The following GREB1L variants were observed in gnomAD, a reference collection of about 807,000 sequenced individuals.
GREB1L encodes the protein GREB1-like protein.
In GREB1L, 17 loss-of-function variants were observed where a neutral mutation model predicts 200.8. The observed-to-expected ratio is 0.08, with a 90% CI of 0.06 to 0.13. The LOEUF (loss-of-function observed/expected upper bound fraction) is 0.13. Among genes scored for constraint, GREB1L ranks in the 10% least tolerant of loss-of-function variants. The pLI, the probability that GREB1L is intolerant of heterozygous loss-of-function variation, is 1.00. For missense variants in GREB1L, 1,657 were observed against 2,367.7 expected, an observed-to-expected ratio of 0.70 and a Z score of 6.23; for synonymous variants, 789 against 893.0, an observed-to-expected ratio of 0.88 and a Z score of 2.08.
intron 7 of GREB1L, among the ~76,000 whole-genome samples, chr18:21,422,991 C>T (rs1369218431): frequency 2.0e-5 from 3 of 151,970 alleles, no homozygotes; most frequent in East Asian, 1.9e-4. Flanking sequence ...AGTATAGTGG[C>T]GCGATCTCGG....
At chr18:21,501,298 G>T (rs1432485473) in intron 23 of GREB1L, among the ~76,000 whole-genome samples, 1 of 151,292 alleles carries the variant, frequency 6.6e-6, no homozygotes, top group Admixed American at 6.6e-5. Flanking sequence ...GAATGTGCAG[G>T]TTTGTTACAC....
intron 1 of GREB1L, among the ~76,000 whole-genome samples, chr18:21,299,060 G>A (rs1002044555): frequency 5.9e-5 from 9 of 151,832 alleles, no homozygotes; most frequent in Non-Finnish European, 1.0e-4. Context: ...GGCAGATCAC[G>A]TGAGGTCAGG....
At chr18:21,387,231 A>G (rs1300717019) in intron 4 of GREB1L, among the ~76,000 whole-genome samples, 1 of 152,162 alleles carries the variant, frequency 6.6e-6, no homozygotes, top group Non-Finnish European at 1.5e-5. Context: ...GGTTCTGTAA[A>G]GTTTTCCCTG....
chr18:21,251,408 A>G (rs1242959038), intron 1 of GREB1L, among the ~76,000 whole-genome samples: 1 of 152,182 alleles, frequency 6.6e-6, no homozygotes, highest in Non-Finnish European at 1.5e-5. Context: ...GCTTGTCTTT[A>G]TTCTTTTAAA....
At chr18:21,302,567 A>G (rs2038634592) in intron 1 of GREB1L, among the ~76,000 whole-genome samples, 1 of 152,218 alleles carries the variant, frequency 6.6e-6, no homozygotes, top group South Asian at 2.1e-4. Flanking sequence ...GGACTTCCTT[A>G]CTGTACTGCC....
intron 11 of GREB1L, among the ~76,000 whole-genome samples, chr18:21,448,036 C>A (rs989678277): frequency 6.6e-6 from 1 of 151,960 alleles, no homozygotes; most frequent in Non-Finnish European, 1.5e-5. Context: ...GTTGGGCATG[C>A]CTGTAATCCC....
chr18:21,259,235 GTCTC>G (rs1038829496), intron 1 of GREB1L, among the ~76,000 whole-genome samples: 2 of 152,126 alleles, frequency 1.3e-5, no homozygotes, highest in African/African-American at 4.8e-5. Context: ...TTATCAAACT[GTCTC>G]TCAGTTTTCA....
chr18:21,414,235 C>G (rs1405286772), intron 7 of GREB1L, among the ~76,000 whole-genome samples: 1 of 151,948 alleles, frequency 6.6e-6, no homozygotes, highest in Non-Finnish European at 1.5e-5. Context: ...CGTGCAGCCA[C>G]CTAGGAAATA....
intron 1 of GREB1L, among the ~76,000 whole-genome samples, chr18:21,283,753 A>G (rs2038309495): frequency 1.3e-5 from 2 of 152,168 alleles, no homozygotes; most frequent in African/African-American, 4.8e-5. Flanking sequence ...TGAAATGACT[A>G]GCTATTTGCA....
At chr18:21,284,654 G>A (rs1021041275) in intron 1 of GREB1L, among the ~76,000 whole-genome samples, 3 of 152,128 alleles carry the variant, frequency 2.0e-5, no homozygotes, top group Non-Finnish European at 2.9e-5. Flanking sequence ...ACAAATTTTT[G>A]TATGGATGTA....
chr18:21,302,756 C>T, intron 1 of GREB1L, among the ~76,000 whole-genome samples: 1 of 152,126 alleles, frequency 6.6e-6, no homozygotes, highest in South Asian at 2.1e-4. Context: ...GAGTCTTGCT[C>T]TGTCGCCCAG....
chr18:21,422,379 A>G (rs1202011096), intron 7 of GREB1L, among the ~76,000 whole-genome samples: 8 of 152,228 alleles, frequency 5.3e-5, no homozygotes. Flanking sequence ...ATATTCATAT[A>G]TATGCAGTAA....
chr18:21,336,815 T>G (rs1476712081), intron 1 of GREB1L, among the ~76,000 whole-genome samples: 1 of 152,158 alleles, frequency 6.6e-6, no homozygotes, highest in Non-Finnish European at 1.5e-5. Context: ...CTGCTAGTGG[T>G]CAGAATTTAT....
At chr18:21,442,537 C>A (rs1426932684) in intron 10 of GREB1L, among the ~76,000 whole-genome samples, 1 of 149,742 alleles carries the variant, frequency 6.7e-6, no homozygotes, top group Non-Finnish European at 1.5e-5. Flanking sequence ...AACGTGGGAC[C>A]CTTTGGTCCT....
intron 2 of GREB1L, among the ~76,000 whole-genome samples, chr18:21,377,496 T>TC (rs2040119614): frequency 6.6e-6 from 1 of 151,900 alleles, no homozygotes; most frequent in Non-Finnish European, 1.5e-5. Flanking sequence ...AGCAGAGAGG[T>TC]CGGGTACAGT....
intron 1 of GREB1L, among the ~76,000 whole-genome samples, chr18:21,301,721 A>T (rs2038620034): frequency 6.6e-6 from 1 of 152,206 alleles, no homozygotes; most frequent in Admixed American, 6.5e-5. Context: ...ATGATATTTG[A>T]TGAGATAAAA....
intron 25 of GREB1L, 31 bp from the exon 26 acceptor site, chr18:21,508,086 AC>A: frequency 1.9e-6 from 3 of 1,546,122 alleles, no homozygotes; most frequent in East Asian, 4.9e-5. Flanking sequence ...GGGCTTACTT[AC>A]GTTCCCTCCC....
At chr18:21,510,699 A>G (rs1015514153) in intron 27 of GREB1L, among the ~76,000 whole-genome samples, 1 of 152,202 alleles carries the variant, frequency 6.6e-6, no homozygotes, top group Non-Finnish European at 1.5e-5. Context: ...CTGGGTATGT[A>G]TCTAGAAGCG....
chr18:21,388,091 T>C (rs1434324273), intron 4 of GREB1L, among the ~76,000 whole-genome samples: 2 of 152,182 alleles, frequency 1.3e-5, no homozygotes, highest in African/African-American at 4.8e-5. Flanking sequence ...TCATAAACTT[T>C]TGCTTGACTT....
Sources: allele counts gnomAD v4.1 joint callset (sites outside exome capture counted in the v4.1 genomes callset), GRCh38; gene constraint gnomAD v4.1.1; transcripts MANE v1.5; gene names NCBI Gene and HGNC (gene_info 2026-07-23, HGNC 2026-07-21).